The following UNC45A variants were observed in gnomAD, a reference collection of about 807,000 sequenced individuals.
UNC45A encodes unc-45 myosin chaperone A, also known as protein unc-45 homolog A.
A neutral mutation model predicts 103.2 loss-of-function variants in UNC45A; 78 were observed. The observed-to-expected ratio is 0.76, with a 90% CI of 0.63 to 0.91. The LOEUF (loss-of-function observed/expected upper bound fraction) is 0.91, where lower values mean the gene tolerates loss of function less well. UNC45A is among the 40% of genes least tolerant of loss of function. The pLI is 0.00. For synonymous variants in UNC45A, 495 were observed against 504.6 expected, an observed-to-expected ratio of 0.98 and a Z score of 0.25; for missense variants, 1,193 against 1,224.8, an observed-to-expected ratio of 0.97 and a Z score of 0.39.
At chr15:90,944,871 C>A in intron 8 of UNC45A, 21 bp from the exon 9 acceptor site, 1 of 1,609,834 alleles carries the variant, frequency 6.2e-7, no homozygotes. Context: ...GTTCTACTGT[C>A]TAAGCGGGGT....
At position 90,950,213 on chromosome 15, in the gene UNC45A, C is replaced by A; in HGVS notation, c.2133C>A (p.Ala711=). 1 of 1,551,740 alleles carries A rather than the reference C, an allele frequency of 6.4e-7. No individual in the cohort carries two copies. The highest frequency in any genetic ancestry group is 8.7e-7 in the Non-Finnish European group (1 of 1,147,004). ...TGGGGCAGACAAAGGCAGCCCAGGC[C>A]CTTGCCAAGCTCACCATCACCTCCA... ...TDVGQTKAAQ[A]LAKLTITSNP... Residue 711 remains alanine (A), a synonymous_variant, in exon 16 of 20, where the codon GCC becomes GCA. Coordinates refer to ENST00000418476, the MANE Select transcript of UNC45A (RefSeq NM_018671.5).
In UNC45A at chr15:90,942,668, C is replaced by A. The variant is rs577729105; in HGVS notation, c.856+63C>A. 3.7e-6 allele frequency: 6 copies of A among 1,608,326 alleles called. No homozygotes were observed. The South Asian group carries it at 4.4e-5, about 12-fold the overall frequency. The stretch of plus-strand genomic sequence containing the variant: ...TGTCATGGAAGGGATGGGGCTGAGC[C>A]AGCCAGGCCAGTTTTTTGGGGACCA... On this transcript the variant is annotated intron_variant, in intron 7 of 19. Coordinates refer to ENST00000418476, the MANE Select transcript of UNC45A (RefSeq NM_018671.5).
At chr15:90,931,426 A>G (rs2035786111), upstream of UNC45A, 1 of 1,605,566 alleles carries the variant, frequency 6.2e-7, no homozygotes, top group African/African-American at 1.3e-5. Flanking sequence ...GTCGACAGAA[A>G]CTTGCTAGCG....
At chr15:90,931,990 G>A (rs371163282), upstream of UNC45A, 15 of 1,613,766 alleles carry the variant, frequency 9.3e-6, no homozygotes, top group African/African-American at 1.5e-4. Flanking sequence ...GCCAAGGGTT[G>A]CCCATTGCTG....
At chr15:90,942,887 A>G (rs547505560) in intron 7 of UNC45A, 25 bp from the exon 8 acceptor site, 3 of 1,587,720 alleles carry the variant, frequency 1.9e-6, no homozygotes, top group Non-Finnish European at 2.6e-6. Context: ...TGTGGAGCCC[A>G]CTGATGTCTT....
chr15:90,936,296 G>C lies in UNC45A; in HGVS notation c.262G>C (p.Asp88His). The change falls in exon 4 of 20, where the codon GAT (aspartate) becomes CAT (histidine). Residue 88 changes from aspartate to histidine, a missense_variant. By Grantham distance (81) the Asp-to-His change is moderately conservative. Transcript: ENST00000418476. ...ETEASKAIEK[D>H]GGDVKALYRR... is the part of the protein sequence containing the mutation. ...CTGTTTGTGCTCAGCCATTGAAAAG[G>C]ATGGTGGGGATGTCAAAGCACTCTA... 1 of 1,613,494 alleles carries C rather than the reference G, an allele frequency of 6.2e-7. No homozygotes were observed. The highest frequency in any genetic ancestry group is 8.5e-7 in the Non-Finnish European group (1 of 1,179,758).
Position 90,942,600 on chromosome 15 carries a change from T to C in UNC45A, c.851T>C (p.Ile284Thr). Residue 284 changes from isoleucine to threonine, a missense_variant, in exon 7 of 20, where the codon ATT (isoleucine) becomes ACT (threonine). Transcript: ENST00000418476. ...TTCCGAGGCAAAGAAGGTGCCATCA[T>C]TGTGGGTGAGTGGAAGCAGGTCTGG... ...KGFRGKEGAIIVDPARELKVL... is the reference protein window; with the variant it reads ...KGFRGKEGAITVDPARELKVL... The C allele has an allele frequency of 6.2e-7, 1 of 1,614,176 alleles. No individual in the cohort carries two copies. Among genetic ancestry groups the C allele is most frequent in the Non-Finnish European group, 8.5e-7 (1 of 1,180,024 alleles).
upstream of UNC45A, chr15:90,931,206 G>T: frequency 6.6e-7 from 1 of 1,516,782 alleles, no homozygotes; most frequent in Non-Finnish European, 8.9e-7. Context: ...ACACAGAAAA[G>T]ATGGCGTATG....
upstream of UNC45A, chr15:90,932,506 G>A (rs199831268): frequency 1.3e-4 from 174 of 1,300,590 alleles, no homozygotes; most frequent in African/African-American, 2.4e-3. Context: ...CGCGAAGTCG[G>A]CAGCCTCCAG....
chr15:90,947,401 G>A (rs771485897), intron 10 of UNC45A: 1 of 277,844 alleles, frequency 3.6e-6, no homozygotes, highest in Non-Finnish European at 7.0e-6. Context: ...GGGGCACTCA[G>A]TCCTGGATTT....
chr15:90,938,989 A>T (rs1327805155), intron 4 of UNC45A, among the ~76,000 whole-genome samples: 2 of 150,944 alleles, frequency 1.3e-5, no homozygotes, highest in Non-Finnish European at 2.9e-5. Context: ...TTATTTATTT[A>T]TTTTTTTGAG....
At position 90,948,774 on chromosome 15, in the gene UNC45A, G is replaced by A. The variant is rs2036720273; in HGVS notation, c.1858G>A (p.Val620Met). The A allele has an allele frequency of 6.2e-7, 1 of 1,609,730 alleles. No homozygotes were observed. Among genetic ancestry groups the A allele is most frequent in the Non-Finnish European group, 8.5e-7 (1 of 1,178,404 alleles). Residue 620 changes from valine to methionine, a missense_variant, in exon 13 of 20, where the codon GTG becomes ATG. Coordinates refer to ENST00000418476, the MANE Select transcript of UNC45A (RefSeq NM_018671.5). ...GCTGGCCAAGTATGCCAAGCAGCAT[G>A]TGCCCGAGCAGCACCCCAAGGTGAG... ...VELAKYAKQH[V>M]PEQHPKDKPS...
chr15:90,945,771 A>T (rs1301682187), intron 9 of UNC45A, among the ~76,000 whole-genome samples: 3 of 150,402 alleles, frequency 2.0e-5, no homozygotes, highest in Non-Finnish European at 4.4e-5. Flanking sequence ...TAGCTGGGAT[A>T]ATAGGCACCC....
rs878942963 is a variant in UNC45A at position 90,953,691 on chromosome 15, T to C, written c.2810T>C (p.Ile937Thr). 6.2e-6 allele frequency: 10 copies of C among 1,613,826 alleles called. No individual in the cohort carries two copies. In the South Asian group the frequency reaches 1.1e-4, roughly 18 times the overall value. Residue 937 changes from isoleucine to threonine, a missense_variant, in exon 20 of 20, where the codon ATC (isoleucine) becomes ACC (threonine). Ile to Thr is a moderately conservative substitution (Grantham distance 89). Transcript: ENST00000418476. Reference sequence around the variant, plus strand: ...GACAAAGCAGTGGAATATGGGCTTATCCAACCCAACCAAGATGGAGAGTGA... The same window carrying C: ...GACAAAGCAGTGGAATATGGGCTTACCCAACCCAACCAAGATGGAGAGTGA... Reference protein sequence around the residue: ...CLDKAVEYGLIQPNQDGE With the variant: ...CLDKAVEYGLTQPNQDGE
At chr15:90,940,765 T>G (rs1382661517) in intron 6 of UNC45A, 3 of 190,442 alleles carry the variant, frequency 1.6e-5, no homozygotes, top group Non-Finnish European at 3.3e-5. Flanking sequence ...ATAAAAAAAT[T>G]AGCCGGGCAT....
chr15:90,934,541 C>T (rs2035912630), upstream of UNC45A: 5 of 399,058 alleles, frequency 1.3e-5, no homozygotes, highest in South Asian at 6.4e-4. Flanking sequence ...CGCCCCCGCC[C>T]ATCCTCAGGT....
intron 4 of UNC45A, among the ~76,000 whole-genome samples, chr15:90,938,860 C>CG (rs1413892851): frequency 1.3e-5 from 2 of 150,580 alleles, no homozygotes; most frequent in Non-Finnish European, 3.0e-5. Flanking sequence ...TTAGTAGAGA[C>CG]GGGGTTTCAC....
chr15:90,939,588 G>A (rs2036186006), intron 4 of UNC45A, 143 bp from the exon 5 acceptor site: 4 of 753,144 alleles, frequency 5.3e-6, no homozygotes, highest in Non-Finnish European at 8.6e-6. Flanking sequence ...GTCTCTTCCT[G>A]CCCAGGGTAG....
At chr15:90,948,462 C>T (rs117918230) in intron 12 of UNC45A, 179 bp downstream of exon 12, 21,428 of 1,266,322 alleles carry the variant, frequency 0.017, 229 homozygotes, top group Non-Finnish European at 0.02. Flanking sequence ...TTAGCAAGGA[C>T]GTTCTTCTTG....
Sources: allele counts gnomAD v4.1 joint callset (sites outside exome capture counted in the v4.1 genomes callset), GRCh38; gene constraint gnomAD v4.1.1; transcripts MANE v1.5; gene names NCBI Gene and HGNC (gene_info 2026-07-23, HGNC 2026-07-21).